AAK1: variants seen among roughly 807,000 people sequenced by gnomAD.
AAK1 encodes AP2 associated kinase 1, also known as AP2-associated protein kinase 1.
In AAK1, 37 loss-of-function variants were observed where a neutral mutation model predicts 116.0. The observed-to-expected ratio is 0.32, with a 90% CI of 0.25 to 0.42. The LOEUF is 0.42. Among genes scored for constraint, AAK1 ranks in the 10% least tolerant of loss-of-function variants. AAK1 has a pLI of 1.00. For missense variants in AAK1, 919 were observed against 1,170.6 expected (o/e 0.79, Z 3.14); for synonymous variants, 458 against 439.9 (o/e 1.04, Z -0.51).
Position 69,469,195 on chromosome 2 carries a change from A to G in AAK1, c.*6674T>C. On this transcript the variant is annotated 3_prime_UTR_variant, in exon 22 of 22. Transcript: ENST00000409085. ...AGTGTGGCTGAGGCGGAGAGCAACC[A>G]CACTTTGCAACTCTCCAGGCCTGGC... 4 of 985,400 alleles carry G rather than the reference A, an allele frequency of 4.1e-6. No homozygotes were observed. The South Asian group carries it at 1.9e-4, about 46-fold the overall frequency. 61.0% of individuals were successfully genotyped at this position (985,400 alleles called of 1,614,324 possible). A position where few individuals can be genotyped will look rare whatever the true frequency, so the allele number is the denominator to read the frequency against.
rs1674623239 is a variant in AAK1, at chr2:69,470,021, G to A, written c.*5848C>T. Reference sequence around the variant, plus strand: ...CAACCCAAAGTGCTGAATCATTTAGGATGGGTTTCCCCTGGAAACTCCATC... The same window carrying A: ...CAACCCAAAGTGCTGAATCATTTAGAATGGGTTTCCCCTGGAAACTCCATC... On this transcript the variant is annotated 3_prime_UTR_variant, in exon 22 of 22. Coordinates refer to ENST00000409085, the MANE Select transcript of AAK1 (RefSeq NM_014911.5). 3 of 985,234 alleles carry A rather than the reference G, an allele frequency of 3.0e-6. No individual in the cohort carries two copies. Among genetic ancestry groups the A allele is most frequent in the Non-Finnish European group, 2.4e-6 (2 of 829,940 alleles). 61.0% of individuals were successfully genotyped at this position (985,234 alleles called of 1,614,324 possible). A position where few individuals can be genotyped will look rare whatever the true frequency, so the allele number is the denominator to read the frequency against.
intron 18 of AAK1, 116 bp downstream of exon 18, chr2:69,482,595 C>G (rs2104897991): frequency 1.2e-6 from 1 of 833,362 alleles, no homozygotes; most frequent in African/African-American, 1.7e-5. Context: ...ATTAAATAGC[C>G]TTGGCTTCTG....
intron 2 of AAK1, among the ~76,000 whole-genome samples, chr2:69,595,955 T>C (rs556214255): frequency 3.7e-4 from 56 of 152,336 alleles, no homozygotes; most frequent in African/African-American, 1.2e-3. Flanking sequence ...AGAGTTATGC[T>C]AAATCTATTC....
chr2:69,602,970 A>G (rs1450618422), intron 2 of AAK1, among the ~76,000 whole-genome samples: 1 of 152,256 alleles, frequency 6.6e-6, no homozygotes, highest in Non-Finnish European at 1.5e-5. Context: ...ATTACTAGTA[A>G]ATTGAATCAG....
intron 5 of AAK1, among the ~76,000 whole-genome samples, chr2:69,539,086 G>C (rs576074484): frequency 6.6e-6 from 1 of 152,158 alleles, no homozygotes; most frequent in Non-Finnish European, 1.5e-5. Context: ...TAACAGAGCA[G>C]GCACTGTTAG....
chr2:69,500,698 T>TATATATACACACACACACACAC, intron 16 of AAK1, among the ~76,000 whole-genome samples: 3 of 65,096 alleles, frequency 4.6e-5, no homozygotes, highest in Admixed American at 2.1e-4. Flanking sequence ...TATATATATA[T>TATATATACACACACACACACAC]ACACACACAC....
intron 2 of AAK1, 78 bp from the exon 3 acceptor site, chr2:69,557,056 G>T: frequency 9.5e-7 from 1 of 1,055,658 alleles, no homozygotes; most frequent in Non-Finnish European, 1.5e-6. Flanking sequence ...GCTGGAGGTT[G>T]CCACTGTCAC....
chr2:69,605,408 C>A (rs1467810235), intron 2 of AAK1, among the ~76,000 whole-genome samples: 1 of 152,186 alleles, frequency 6.6e-6, no homozygotes, highest in African/African-American at 2.4e-5. Flanking sequence ...CCTTGCTCTG[C>A]CTTTTCCTTC....
chr2:69,502,319 G>C (rs1331214133), intron 16 of AAK1, among the ~76,000 whole-genome samples: 1 of 152,046 alleles, frequency 6.6e-6, no homozygotes, highest in Non-Finnish European at 1.5e-5. Flanking sequence ...AATAAAAATG[G>C]GTCAGTAAAT....
rs183153618 is a variant in AAK1 at position 69,489,287 on chromosome 2, C to T, written c.2366-6475G>A. On this transcript the variant is annotated intron_variant, in intron 17 of 21. Transcript: ENST00000409085. ...CCAGCATGGTGAAACACAATCTCTA[C>T]GAAAAATACAAAAATTAGCCAGGCG... Among the ~76,000 whole-genome samples the T allele has an allele frequency of 4.7e-3, 719 of 151,766 alleles. 15 individuals are homozygous for T. The highest frequency in any genetic ancestry group is 0.012 in the Admixed American group (185 of 15,276).
rs1052342232 is a variant in AAK1, at chr2:69,527,316, T to A, written c.875A>T (p.Tyr292Phe). ...YSQDMHCLIRYMLEPDPDKRP... is the reference protein window; with the variant it reads ...YSQDMHCLIRFMLEPDPDKRP... ...TTTGTCAGGGTCTGGTTCCAACATATACCCTAAGGCAAACATGTGAATTTA... is the reference window on the plus strand; with the variant it reads ...TTTGTCAGGGTCTGGTTCCAACATAAACCCTAAGGCAAACATGTGAATTTA... The change falls in exon 9 of 22, where the codon TAT becomes TTT. Residue 292 changes from tyrosine to phenylalanine, a missense_variant. By Grantham distance (22) the Tyr-to-Phe change is conservative. Around this residue, in one of 4 missense-constraint regions of AAK1, gnomAD observed 317 missense variants for 490.4 expected, o/e 0.65. Coordinates refer to ENST00000409085, the MANE Select transcript of AAK1 (RefSeq NM_014911.5). The A allele has an allele frequency of 2.5e-6, 4 of 1,583,708 alleles. No individual in the cohort carries two copies. In the African/African-American group the frequency reaches 4.0e-5, roughly 16 times the overall value.
At chr2:69,559,454 T>C (rs1671539037) in intron 2 of AAK1, among the ~76,000 whole-genome samples, 1 of 152,230 alleles carries the variant, frequency 6.6e-6, no homozygotes, top group African/African-American at 2.4e-5. Flanking sequence ...GATGTTCTCT[T>C]ATAATTAATC....
chr2:69,527,360 G>A, intron 8 of AAK1, 41 bp from the exon 9 acceptor site: 1 of 1,288,346 alleles, frequency 7.8e-7, no homozygotes. Flanking sequence ...TATTCCAACA[G>A]TTATTACACT....
At chr2:69,527,094 A>G (rs1385122044) in intron 9 of AAK1, 122 bp downstream of exon 9, 6 of 678,012 alleles carry the variant, frequency 8.8e-6, no homozygotes, top group Non-Finnish European at 1.6e-5. Flanking sequence ...GCTTTGCTTG[A>G]CTACCCCCAG....
At chr2:69,572,946 A>C (rs942862476) in intron 2 of AAK1, among the ~76,000 whole-genome samples, 3 of 152,232 alleles carry the variant, frequency 2.0e-5, no homozygotes, top group Non-Finnish European at 4.4e-5. Context: ...CCAGCGATGC[A>C]GTAAGCTCCA....
rs1674637462 is a variant in AAK1, at chr2:69,470,418, C to T, written c.*5451G>A. 1 of 985,338 alleles carries T rather than the reference C, an allele frequency of 1.0e-6. No individual in the cohort carries two copies. The highest frequency in any genetic ancestry group is 1.7e-5 in the African/African-American group (1 of 57,328). 61.0% of individuals were successfully genotyped at this position (985,338 alleles called of 1,614,324 possible). On this transcript the variant is annotated 3_prime_UTR_variant, in exon 22 of 22. Transcript: ENST00000409085. ...TACCATGACCTTCTAGCTCACATAA[C>T]AAAATTAAGCATTTGGTTCCACCAT...
intron 2 of AAK1, among the ~76,000 whole-genome samples, chr2:69,625,692 T>C (rs930783206): frequency 6.6e-6 from 1 of 152,152 alleles, no homozygotes; most frequent in Non-Finnish European, 1.5e-5. Flanking sequence ...AATATATGTA[T>C]AACATATTTC....
At chr2:69,570,137 C>T (rs1485793122) in intron 2 of AAK1, among the ~76,000 whole-genome samples, 4 of 151,994 alleles carry the variant, frequency 2.6e-5, no homozygotes, top group Non-Finnish European at 5.9e-5. Context: ...TTGAATATTG[C>T]CCTTTCCTCA....
intron 2 of AAK1, among the ~76,000 whole-genome samples, chr2:69,601,802 C>T (rs1056387399): frequency 2.0e-5 from 3 of 152,144 alleles, no homozygotes; most frequent in African/African-American, 7.2e-5. Flanking sequence ...GAAGGATGGA[C>T]ACTAGCATTA....
Sources: allele counts gnomAD v4.1 joint callset (sites outside exome capture counted in the v4.1 genomes callset), GRCh38; gene constraint gnomAD v4.1.1; regional missense constraint gnomAD v4.1.1; transcripts MANE v1.5; gene names NCBI Gene and HGNC (gene_info 2026-07-23, HGNC 2026-07-21).